WWOX: variants seen among roughly 807,000 people sequenced by gnomAD.
WWOX encodes the protein WW domain containing oxidoreductase, also known as WW domain-containing oxidoreductase.
In WWOX, 69 loss-of-function variants were observed where a neutral mutation model predicts 46.2. The observed-to-expected ratio is 1.49, with a 90% CI of 1.23 to 1.82. WWOX has a LOEUF of 1.82. Among genes scored for constraint, WWOX ranks in the 40% most tolerant of loss-of-function variants. The pLI is 0.00. For synonymous variants in WWOX, 359 were observed against 202.6 expected (o/e 1.77, Z -6.56); for missense variants, 919 against 542.6 (o/e 1.69, Z -6.89).
At chr16:78,867,685 T>A (rs2044035877) in intron 8 of WWOX, among the ~76,000 whole-genome samples, 1 of 152,054 alleles carries the variant, frequency 6.6e-6, no homozygotes, top group South Asian at 2.1e-4. Flanking sequence ...GGATTTCAGG[T>A]GCCTGCCACC....
chr16:78,435,426 C>G (rs552178879), intron 8 of WWOX, among the ~76,000 whole-genome samples: 2 of 152,292 alleles, frequency 1.3e-5, no homozygotes, highest in South Asian at 4.1e-4. Context: ...CAAGGCAAGG[C>G]TTGGGAGAAA....
In WWOX at chr16:78,416,085, A is replaced by G. The variant is rs554628913; in HGVS notation, c.606-8785A>G. On this transcript the variant is annotated intron_variant, in intron 6 of 8. Coordinates refer to ENST00000566780, the MANE Select transcript of WWOX (RefSeq NM_016373.4). Reference sequence around the variant, plus strand: ...CCTTTTCTGCCCTTAATCACCTCTCACAGATGAGAATCCACCCAAGAAGAA... The same window carrying G: ...CCTTTTCTGCCCTTAATCACCTCTCGCAGATGAGAATCCACCCAAGAAGAA... 3.9e-5 allele frequency among the ~76,000 whole-genome samples: 6 copies of G among 152,234 alleles called. No homozygotes were observed. The East Asian group carries it at 1.2e-3, about 29-fold the overall frequency.
chr16:79,177,553 C>T (rs998386291), intron 8 of WWOX, among the ~76,000 whole-genome samples: 14 of 152,136 alleles, frequency 9.2e-5, no homozygotes, highest in African/African-American at 3.1e-4. Flanking sequence ...TGTCTCTAAT[C>T]AATTCACCGG....
chr16:79,107,849 A>C (rs2049341249), intron 8 of WWOX, among the ~76,000 whole-genome samples: 1 of 152,210 alleles, frequency 6.6e-6, no homozygotes. Flanking sequence ...TAATAATTCG[A>C]CATTAGTGAC....
At chr16:79,104,562 TTA>T (rs1283224669) in intron 8 of WWOX, among the ~76,000 whole-genome samples, 2 of 152,164 alleles carry the variant, frequency 1.3e-5, no homozygotes, top group Non-Finnish European at 2.9e-5. Context: ...TTATGTACGG[TTA>T]AGTATTGATA....
chr16:78,731,485 C>T (rs889188190), intron 8 of WWOX, among the ~76,000 whole-genome samples: 1 of 152,136 alleles, frequency 6.6e-6, no homozygotes, highest in Non-Finnish European at 1.5e-5. Flanking sequence ...GAATATAAGC[C>T]TCTGTTCTTT....
intron 8 of WWOX, chr16:78,891,505 C>T (rs1387307350): frequency 6.6e-6 from 1 of 152,142 alleles, no homozygotes; most frequent in Admixed American, 6.5e-5. Flanking sequence ...TACACCCATG[C>T]AGCAATTATA....
intron 5 of WWOX, among the ~76,000 whole-genome samples, chr16:78,303,799 C>A (rs13332332): frequency 0.013 from 1,906 of 152,258 alleles, 42 homozygotes; most frequent in African/African-American, 0.043. Context: ...TTGGCCTTGG[C>A]CTCCCAAAGT....
chr16:78,302,434 G>T (rs1444425359), intron 5 of WWOX, among the ~76,000 whole-genome samples: 1 of 152,174 alleles, frequency 6.6e-6, no homozygotes, highest in Non-Finnish European at 1.5e-5. Flanking sequence ...CACAGCTATA[G>T]GTTTTATTTC....
intron 8 of WWOX, among the ~76,000 whole-genome samples, chr16:79,159,784 C>T (rs186390880): frequency 5.9e-5 from 9 of 152,290 alleles, no homozygotes; most frequent in Non-Finnish European, 1.3e-4. Flanking sequence ...AGTGCGAATT[C>T]TCCTCATGCT....
At chr16:79,144,057 C>G (rs556642853) in intron 8 of WWOX, among the ~76,000 whole-genome samples, 1 of 152,166 alleles carries the variant, frequency 6.6e-6, no homozygotes, top group Admixed American at 6.5e-5. Context: ...GCCTCCATAC[C>G]CAGCTAAGTT....
chr16:79,055,235 T>A (rs1366628409), intron 8 of WWOX, among the ~76,000 whole-genome samples: 2 of 152,128 alleles, frequency 1.3e-5, no homozygotes, highest in Non-Finnish European at 2.9e-5. Context: ...TTGGTTTATA[T>A]TGCTTAATTA....
At chr16:78,368,711 G>A (rs556265094) in intron 5 of WWOX, among the ~76,000 whole-genome samples, 1 of 152,162 alleles carries the variant, frequency 6.6e-6, no homozygotes, top group African/African-American at 2.4e-5. Context: ...CTCTAATGCT[G>A]CCTGGGTTGC....
chr16:78,372,514 A>G (rs2081716584), intron 5 of WWOX, among the ~76,000 whole-genome samples: 1 of 152,190 alleles, frequency 6.6e-6, no homozygotes, highest in African/African-American at 2.4e-5. Context: ...TTGTAGTAAG[A>G]GAGCATTCTT....
At position 78,932,402 on chromosome 16, in the gene WWOX, C is replaced by G. The variant is rs1169938687; in HGVS notation, c.1057-279206C>G. ...TTTTTCTTTGTATAGACAGCCTATG[C>G]CTGGATAAGAACATGCTGCGTCAGA... On this transcript the variant is annotated intron_variant, in intron 8 of 8. Transcript: ENST00000566780. Among the ~76,000 whole-genome samples, 4 of 152,308 alleles carry G rather than the reference C, an allele frequency of 2.6e-5. No individual in the cohort carries two copies. The South Asian group carries it at 8.3e-4, about 32-fold the overall frequency.
intron 8 of WWOX, among the ~76,000 whole-genome samples, chr16:79,126,955 G>C (rs546203416): frequency 3.8e-4 from 58 of 152,170 alleles, no homozygotes; most frequent in African/African-American, 1.4e-3. Flanking sequence ...CAGTTGCCTA[G>C]AGAAGACAGA....
intron 8 of WWOX, among the ~76,000 whole-genome samples, chr16:78,883,524 G>C (rs1187668619): frequency 6.6e-6 from 1 of 152,124 alleles, no homozygotes; most frequent in African/African-American, 2.4e-5. Flanking sequence ...AGGAGTTCGA[G>C]ACCAGCCTGG....
intron 5 of WWOX, among the ~76,000 whole-genome samples, chr16:78,217,008 C>T (rs1319049955): frequency 6.6e-6 from 1 of 152,184 alleles, no homozygotes; most frequent in Non-Finnish European, 1.5e-5. Flanking sequence ...CAGGTGTGAG[C>T]CACCACACCC....
chr16:78,790,950 T>C lies in WWOX; in HGVS notation c.1056+358198T>C, dbSNP rs538231075. 5.3e-5 allele frequency among the ~76,000 whole-genome samples: 7 copies of C among 132,932 alleles called. No individual in the cohort carries two copies. In the South Asian group the frequency reaches 1.6e-3, roughly 30 times the overall value. 87.2% of individuals were successfully genotyped at this position (132,932 alleles called of 152,430 possible). A position where few individuals can be genotyped will look rare whatever the true frequency, so the allele number is the denominator to read the frequency against. On this transcript the variant is annotated intron_variant, in intron 8 of 8. Transcript: ENST00000566780. ...GGGAGGATCACCTGAGCCCAGGAGA[T>C]GGAGGTTGCAGTGAGCCAAGATTAC...
Sources: gnomAD v4.1 joint callset for allele counts (sites outside exome capture counted in the v4.1 genomes callset) on GRCh38, gnomAD v4.1.1 for gene constraint, MANE v1.5 for transcripts, NCBI Gene and HGNC (gene_info 2026-07-23, HGNC 2026-07-21) for gene names.